Variants in PPP1R16B observed in about 807,000 individuals in gnomAD.
PPP1R16B encodes the protein protein phosphatase 1 regulatory subunit 16B.
A neutral mutation model predicts 61.7 loss-of-function variants in PPP1R16B; 14 were observed. The observed-to-expected ratio is 0.23, with a 90% CI of 0.15 to 0.35. The LOEUF (loss-of-function observed/expected upper bound fraction) is 0.35, where lower values mean the gene tolerates loss of function less well. PPP1R16B is among the 10% of genes least tolerant of loss of function. The probability of loss-of-function intolerance (pLI) is 1.00; values close to 1 mark genes in which losing one functional copy is unlikely to be tolerated. For synonymous variants in PPP1R16B, 266 were observed against 305.3 expected (o/e 0.87, Z 1.34); for missense variants, 547 against 752.5 (o/e 0.73, Z 3.19).
chr20:38,826,236 G>A (rs934146167), intron 1 of PPP1R16B, among the ~76,000 whole-genome samples: 1 of 152,282 alleles, frequency 6.6e-6, no homozygotes, highest in Non-Finnish European at 1.5e-5. Flanking sequence ...ACTCCCTCAA[G>A]CCTGGAGAAA....
At chr20:38,873,511 G>A (rs550101019) in intron 2 of PPP1R16B, among the ~76,000 whole-genome samples, 67 of 152,256 alleles carry the variant, frequency 4.4e-4, no homozygotes, top group African/African-American at 1.5e-3. Flanking sequence ...ACCCGGGGTC[G>A]CTGGGTGGTT....
chr20:38,855,941 T>G (rs186452856), intron 2 of PPP1R16B, among the ~76,000 whole-genome samples: 5,978 of 24,740 alleles, frequency 0.24, 549 homozygotes, highest in Non-Finnish European at 0.28. Flanking sequence ...TATATATATA[T>G]ATAGAGAGAG....
At chr20:38,833,122 C>G (rs2084848330) in intron 1 of PPP1R16B, among the ~76,000 whole-genome samples, 1 of 152,098 alleles carries the variant, frequency 6.6e-6, no homozygotes, top group Non-Finnish European at 1.5e-5. Context: ...TACCCAGCAA[C>G]AAGAAGAAAC....
intron 1 of PPP1R16B, among the ~76,000 whole-genome samples, chr20:38,808,218 T>C (rs916140700): frequency 6.6e-6 from 1 of 152,160 alleles, no homozygotes; most frequent in African/African-American, 2.4e-5. Context: ...ATGGGAAAAC[T>C]GGGGCTCAGC....
At chr20:38,882,303 AGGTGGTGTTGAT>A (rs1336255774) in intron 2 of PPP1R16B, among the ~76,000 whole-genome samples, 2 of 151,938 alleles carry the variant, frequency 1.3e-5, no homozygotes, top group African/African-American at 2.4e-5. Flanking sequence ...CCTCCAGGTC[AGGTGGTGTTGAT>A]GAGGGAGGCT....
chr20:38,842,961 T>C (rs2084918101), intron 2 of PPP1R16B, among the ~76,000 whole-genome samples: 1 of 152,198 alleles, frequency 6.6e-6, no homozygotes, highest in South Asian at 2.1e-4. Flanking sequence ...TTTGGTATTG[T>C]TGTGTCAGGC....
At chr20:38,863,895 A>G (rs925155309) in intron 2 of PPP1R16B, among the ~76,000 whole-genome samples, 3 of 152,270 alleles carry the variant, frequency 2.0e-5, no homozygotes, top group African/African-American at 7.2e-5. Flanking sequence ...ACAAATGTTC[A>G]TAGCCACATT....
chr20:38,832,431 T>C (rs74978128), intron 1 of PPP1R16B, among the ~76,000 whole-genome samples: 7,251 of 152,228 alleles, frequency 0.048, 184 homozygotes, highest in Non-Finnish European at 0.06. Flanking sequence ...AATAATGATA[T>C]TGTGTGGTTG....
Position 38,905,727 on chromosome 20 carries a change from G to A in PPP1R16B, c.697-242G>A, listed in dbSNP as rs141666519. 5.3e-5 allele frequency among the ~76,000 whole-genome samples: 8 copies of A among 152,252 alleles called. No individual in the cohort carries two copies. In the East Asian group the frequency reaches 1.5e-3, roughly 29 times the overall value. ...CAGTAGGGGCTCAGTAAATGCTATC[G>A]CTTTAACCACATGGATGCTAAGACC... is the stretch of plus-strand genomic sequence containing the variant. On this transcript the variant is annotated intron_variant, in intron 6 of 10. Transcript: ENST00000299824.
intron 2 of PPP1R16B, among the ~76,000 whole-genome samples, chr20:38,885,180 C>T (rs1176628304): frequency 5.9e-5 from 9 of 151,432 alleles, no homozygotes; most frequent in Non-Finnish European, 7.4e-5. Context: ...ATAGTGAGAC[C>T]CCCATCCCTA....
At chr20:38,843,295 A>T (rs1351216858) in intron 2 of PPP1R16B, among the ~76,000 whole-genome samples, 2 of 152,278 alleles carry the variant, frequency 1.3e-5, no homozygotes, top group African/African-American at 4.8e-5. Context: ...AACAATAAAC[A>T]TATACTGCCT....
chr20:38,918,192 A>T lies in PPP1R16B; in HGVS notation c.1230A>T (p.Glu410Asp). The change falls in exon 11 of 11, where the codon GAA becomes GAT. Residue 410 changes from glutamate to aspartate, a missense_variant. Transcript: ENST00000299824. This position sits in a 1 kb window ranked among gnomAD's most constrained non-coding sequence, Gnocchi z 5.3. ...PRLEKPVLLS[E>D]FPTKIPRGEL... ...TGGAGAAGCCCGTGCTACTCTCCGA[A>T]TTTCCTACCAAGATCCCACGAGGTG... 6.2e-7 allele frequency: 1 copy of T among 1,614,148 alleles called. No individual in the cohort carries two copies.
chr20:38,830,360 A>T (rs1023383645), intron 1 of PPP1R16B, among the ~76,000 whole-genome samples: 102 of 152,370 alleles, frequency 6.7e-4, no homozygotes, highest in African/African-American at 2.4e-3. Context: ...TGCCACGAAG[A>T]TCAATGGCAA....
intron 2 of PPP1R16B, among the ~76,000 whole-genome samples, chr20:38,869,334 T>C (rs1489226463): frequency 6.6e-6 from 1 of 152,030 alleles, no homozygotes; most frequent in Non-Finnish European, 1.5e-5. Context: ...AATTTTTGTA[T>C]TTTTAGTAGA....
At chr20:38,857,673 G>A (rs893199069) in intron 2 of PPP1R16B, among the ~76,000 whole-genome samples, 21 of 152,300 alleles carry the variant, frequency 1.4e-4, no homozygotes, top group African/African-American at 4.8e-4. Context: ...ACACAACTCC[G>A]TAGATTTCTT....
intron 2 of PPP1R16B, among the ~76,000 whole-genome samples, chr20:38,877,952 G>GTTTTTTTTT (rs34151516): frequency 3.5e-5 from 2 of 57,776 alleles, no homozygotes; most frequent in African/African-American, 1.2e-4. Flanking sequence ...GCACACAGTT[G>GTTTTTTTTT]TTTTTTTTTT....
At chr20:38,886,561 T>C (rs1364829451) in intron 2 of PPP1R16B, among the ~76,000 whole-genome samples, 1 of 152,222 alleles carries the variant, frequency 6.6e-6, no homozygotes, top group African/African-American at 2.4e-5. Context: ...CCATCTGTAA[T>C]GCTCAGGGCA....
chr20:38,834,129 T>C (rs2084854433), intron 1 of PPP1R16B, among the ~76,000 whole-genome samples: 1 of 152,224 alleles, frequency 6.6e-6, no homozygotes, highest in African/African-American at 2.4e-5. Flanking sequence ...AGCTTGTGTC[T>C]CATTGTTTAG....
chr20:38,872,185 T>C (rs773236630), intron 2 of PPP1R16B, among the ~76,000 whole-genome samples: 3 of 152,182 alleles, frequency 2.0e-5, no homozygotes, highest in Non-Finnish European at 4.4e-5. Context: ...AGTCATTTAA[T>C]CATTTGCTCA....
Sources: allele counts gnomAD v4.1 joint callset (sites outside exome capture counted in the v4.1 genomes callset), GRCh38; gene constraint gnomAD v4.1.1; non-coding constraint Gnocchi (gnomAD v3.1); transcripts MANE v1.5; gene names NCBI Gene and HGNC (gene_info 2026-07-23, HGNC 2026-07-21).